Variants in EHBP1 observed in about 807,000 individuals in gnomAD.
The protein encoded by EHBP1 is EH domain-binding protein 1.
A neutral mutation model predicts 144.0 loss-of-function variants in EHBP1; 55 were observed. That is an observed-to-expected ratio of 0.38 (90% CI 0.31 to 0.48). The LOEUF (loss-of-function observed/expected upper bound fraction) is 0.48. EHBP1 is among the 20% of genes least tolerant of loss of function. EHBP1 has a pLI of 0.98. For synonymous variants in EHBP1, 469 were observed against 472.7 expected, an observed-to-expected ratio of 0.99 and a Z score of 0.10; for missense variants, 1,200 against 1,364.2, an observed-to-expected ratio of 0.88 and a Z score of 1.90.
intron 11 of EHBP1, 49 bp from the exon 12 acceptor site, chr2:62,943,753 T>G: frequency 7.8e-7 from 1 of 1,287,774 alleles, no homozygotes; most frequent in Non-Finnish European, 1.1e-6. Context: ...TAAAAACAGC[T>G]GTTTTTATCA....
chr2:62,842,133 C>A (rs1376084569), intron 7 of EHBP1, among the ~76,000 whole-genome samples: 1 of 151,956 alleles, frequency 6.6e-6, no homozygotes, highest in African/African-American at 2.4e-5. Context: ...GTTGCCCAGG[C>A]TGGAGTGCAG....
At chr2:62,677,845 C>T (rs2033362650) in intron 1 of EHBP1, among the ~76,000 whole-genome samples, 1 of 152,190 alleles carries the variant, frequency 6.6e-6, no homozygotes, top group Non-Finnish European at 1.5e-5. Flanking sequence ...GAATAGTACT[C>T]CACTGTGATT....
chr2:62,948,694 A>G lies in EHBP1; in HGVS notation c.1848A>G (p.Thr616=). 6.2e-7 allele frequency: 1 copy of G among 1,614,078 alleles called. No homozygotes were observed. The highest frequency in any genetic ancestry group is 8.5e-7 in the Non-Finnish European group (1 of 1,179,984). ...ACTGTCGCAGGACTAAAAGTGACAC[A>G]GAACCCCAGAAGTCTCAGCAGAGCT... ...SPYCRRTKSD[T]EPQKSQQSSG... is the part of the protein sequence containing the mutation. Residue 616 remains threonine (T), a synonymous_variant, in exon 13 of 23, where the codon ACA becomes ACG. Transcript: ENST00000431489.
intron 1 of EHBP1, among the ~76,000 whole-genome samples, chr2:62,694,623 A>C (rs1424528482): frequency 1.3e-5 from 2 of 152,196 alleles, no homozygotes; most frequent in Non-Finnish European, 2.9e-5. Flanking sequence ...TAGACATTTA[A>C]AAAAATGACC....
intron 10 of EHBP1, among the ~76,000 whole-genome samples, chr2:62,889,476 G>C (rs1227883254): frequency 1.3e-5 from 2 of 152,040 alleles, no homozygotes; most frequent in South Asian, 4.1e-4. Context: ...CTTGGTCCAT[G>C]CCTATTTCCT....
chr2:62,838,023 T>G (rs1019779560), intron 7 of EHBP1, among the ~76,000 whole-genome samples: 1 of 149,298 alleles, frequency 6.7e-6, no homozygotes, highest in African/African-American at 2.5e-5. Flanking sequence ...CCACCCCAAA[T>G]CAACAGAATA....
chr2:62,675,817 A>G (rs1015965106), intron 1 of EHBP1, among the ~76,000 whole-genome samples: 5 of 152,250 alleles, frequency 3.3e-5, no homozygotes, highest in East Asian at 3.9e-4. Context: ...CTGTGGTGCA[A>G]TCTTGGTTTA....
chr2:62,957,796 C>T (rs747077903), intron 14 of EHBP1, among the ~76,000 whole-genome samples: 14 of 151,904 alleles, frequency 9.2e-5, no homozygotes, highest in Non-Finnish European at 1.9e-4. Flanking sequence ...CAGGCGCCCA[C>T]CACCATGCCT....
Position 62,747,376 on chromosome 2 carries a change from CTT to C in EHBP1, c.105-11_105-10del, listed in dbSNP as rs746813164. 42 of 1,578,990 alleles carry C rather than the reference CTT, an allele frequency of 2.7e-5. No individual in the cohort carries two copies. In the African/African-American group the frequency reaches 5.3e-4, roughly 20 times the overall value. ...TTTATTTAAGATAAATTATGTTTAA[CTT>C]TTTTTTTGTTTGGCAGGCAACCAGA... On this transcript the variant is annotated splice_polypyrimidine_tract_variant and intron_variant, in intron 2 of 22. Coordinates refer to ENST00000431489, the MANE Select transcript of EHBP1 (RefSeq NM_001142616.3).
At chr2:62,749,294 G>A (rs1001852992) in intron 3 of EHBP1, among the ~76,000 whole-genome samples, 1 of 152,136 alleles carries the variant, frequency 6.6e-6, no homozygotes, top group African/African-American at 2.4e-5. Context: ...CTTCATCCAT[G>A]TCCCTTCAAA....
At chr2:62,896,261 C>T (rs573313078) in intron 10 of EHBP1, among the ~76,000 whole-genome samples, 5 of 152,006 alleles carry the variant, frequency 3.3e-5, no homozygotes, top group East Asian at 1.9e-4. Flanking sequence ...AATAACTTGT[C>T]GTGTTTAAAG....
chr2:62,683,967 CTT>C (rs1436604652), intron 1 of EHBP1, among the ~76,000 whole-genome samples: 1 of 152,164 alleles, frequency 6.6e-6, no homozygotes, highest in Non-Finnish European at 1.5e-5. Flanking sequence ...TCTGGATAGT[CTT>C]TAGTCCAAGA....
intron 1 of EHBP1, among the ~76,000 whole-genome samples, chr2:62,691,331 T>A (rs1054464206): frequency 6.6e-6 from 1 of 152,150 alleles, no homozygotes; most frequent in Non-Finnish European, 1.5e-5. Context: ...CTTATCCTCA[T>A]GGTCCAAGAT....
At chr2:62,988,811 G>A (rs1286495752) in intron 15 of EHBP1, among the ~76,000 whole-genome samples, 3 of 152,106 alleles carry the variant, frequency 2.0e-5, no homozygotes, top group Non-Finnish European at 4.4e-5. Flanking sequence ...AAAGGAGGGA[G>A]GCAAAGTCTC....
intron 5 of EHBP1, among the ~76,000 whole-genome samples, chr2:62,801,417 T>TCGG: frequency 1.3e-5 from 2 of 152,276 alleles, no homozygotes; most frequent in Non-Finnish European, 2.9e-5. Flanking sequence ...GTGAGTATAT[T>TCGG]ACAGACATCA....
At chr2:62,847,671 G>T (rs1573688913) in intron 7 of EHBP1, among the ~76,000 whole-genome samples, 1 of 152,132 alleles carries the variant, frequency 6.6e-6, no homozygotes, top group Non-Finnish European at 1.5e-5. Flanking sequence ...CTGTCTCTTA[G>T]GAAAAAAGAA....
intron 10 of EHBP1, among the ~76,000 whole-genome samples, chr2:62,891,922 T>C (rs775252059): frequency 1.2e-4 from 19 of 152,112 alleles, no homozygotes; most frequent in Admixed American, 1.1e-3. Context: ...TAATTGAAAA[T>C]ACATTGTGAC....
intron 1 of EHBP1, among the ~76,000 whole-genome samples, chr2:62,692,620 G>A (rs2033943261): frequency 6.6e-6 from 1 of 152,114 alleles, no homozygotes; most frequent in African/African-American, 2.4e-5. Flanking sequence ...CCATTTCTCT[G>A]ATGGCAAATT....
intron 2 of EHBP1, among the ~76,000 whole-genome samples, chr2:62,715,044 C>T (rs577037047): frequency 6.6e-6 from 1 of 152,270 alleles, no homozygotes; most frequent in East Asian, 1.9e-4. Context: ...AATTTGCCAG[C>T]ATTTGTGTAT....
Sources: gnomAD v4.1 joint callset for allele counts (sites outside exome capture counted in the v4.1 genomes callset) on GRCh38, gnomAD v4.1.1 for gene constraint, MANE v1.5 for transcripts, NCBI Gene and HGNC (gene_info 2026-07-23, HGNC 2026-07-21) for gene names.